Variants in DAZAP2 observed in about 807,000 individuals in gnomAD.
DAZAP2 encodes the protein DAZ-associated protein 2.
In DAZAP2, 3 loss-of-function variants were observed where a neutral mutation model predicts 16.2. That is an observed-to-expected ratio of 0.19 (90% CI 0.08 to 0.48). The LOEUF is 0.48. Among genes scored for constraint, DAZAP2 ranks in the 20% least tolerant of loss-of-function variants. The pLI, the probability that DAZAP2 is intolerant of heterozygous loss-of-function variation, is 0.98. For synonymous variants in DAZAP2, 69 were observed against 77.6 expected, an observed-to-expected ratio of 0.89 and a Z score of 0.58; for missense variants, 172 against 215.9, an observed-to-expected ratio of 0.80 and a Z score of 1.27.
rs1396423318 is a variant in DAZAP2, at chr12:51,240,033, C to A, written c.14-310C>A. 9 of 342,928 alleles carry A rather than the reference C, an allele frequency of 2.6e-5. No individual in the cohort carries two copies. In the Admixed American group the frequency reaches 3.4e-4, roughly 13 times the overall value. The allele number at this position is 342,928 out of a possible 1,614,324, so 21.2% of individuals were successfully genotyped here. A position where few individuals can be genotyped will look rare whatever the true frequency, so the allele number is the denominator to read the frequency against. ...CACCCTTGATAAGCCAGAACAGCAG[C>A]AGGCCAGAACCCCAGACCTGTCCTG... is the stretch of plus-strand genomic sequence containing the variant. On this transcript the variant is annotated intron_variant, in intron 1 of 3. Coordinates refer to ENST00000412716, the MANE Select transcript of DAZAP2 (RefSeq NM_014764.4).
downstream of DAZAP2, chr12:51,245,921 T>A: frequency 6.2e-7 from 1 of 1,604,576 alleles, no homozygotes; most frequent in South Asian, 1.1e-5. Context: ...AGGAATAAGC[T>A]CCTTGGGGCC....
intron 1 of DAZAP2, 42 bp from the exon 2 acceptor site, chr12:51,240,301 C>A: frequency 6.6e-7 from 1 of 1,526,182 alleles, no homozygotes; most frequent in Non-Finnish European, 9.1e-7. Flanking sequence ...ATTTTGGTAG[C>A]TCTGTGTAGT....
intron 1 of DAZAP2, chr12:51,239,288 C>T (rs777713769): frequency 2.8e-4 from 75 of 266,194 alleles, no homozygotes; most frequent in Admixed American, 4.5e-4. Flanking sequence ...CGGGGCCGAA[C>T]TTAACTACTG....
At chr12:51,240,660 G>T in intron 2 of DAZAP2, 199 bp downstream of exon 2, 1 of 856,228 alleles carries the variant, frequency 1.2e-6, no homozygotes, top group Non-Finnish European at 1.8e-6. Context: ...CACAGGCTAA[G>T]GTGCAGAAGA....
Position 51,243,593 on chromosome 12 carries a change from TTA to T in DAZAP2, c.*1138_*1139del. ...AAATTGGATTTTATTTTATTTTATC[TTA>T]TAATTTCAGTTCATCTAAATTGTGT... On this transcript the variant is annotated 3_prime_UTR_variant, in exon 4 of 4. Coordinates refer to ENST00000412716, the MANE Select transcript of DAZAP2 (RefSeq NM_014764.4). 1.0e-6 allele frequency: 1 copy of T among 985,348 alleles called. No homozygotes were observed. Among genetic ancestry groups the T allele is most frequent in the Non-Finnish European group, 1.2e-6 (1 of 829,542 alleles). 61.0% of individuals were successfully genotyped at this position (985,348 alleles called of 1,614,324 possible).
chr12:51,239,233 A>C, intron 1 of DAZAP2: 1 of 344,706 alleles, frequency 2.9e-6, no homozygotes, highest in Non-Finnish European at 5.3e-6. Context: ...GCGTAGGCCA[A>C]TGGAGAGCCG....
intron 1 of DAZAP2, chr12:51,239,169 G>GA (rs1944614421): frequency 3.8e-6 from 2 of 529,858 alleles, no homozygotes; most frequent in Non-Finnish European, 6.5e-6. Context: ...GTGGTGGGGG[G>GA]GCTTGACATG....
downstream of DAZAP2, chr12:51,246,014 C>T: frequency 5.0e-6 from 8 of 1,613,896 alleles, no homozygotes; most frequent in Non-Finnish European, 6.8e-6. Context: ...ACTGGGCTCA[C>T]CTTCTGTAGG....
Position 51,243,347 on chromosome 12 carries a change from G to A in DAZAP2, c.*889G>A, listed in dbSNP as rs1944715464. ...TGCATTTCAAAAGCTTGATTGATGT[G>A]TTCAGAGCTAAATTAAGAGGAGTTT... is the stretch of plus-strand genomic sequence containing the variant. On this transcript the variant is annotated 3_prime_UTR_variant, in exon 4 of 4. Coordinates refer to ENST00000412716, the MANE Select transcript of DAZAP2 (RefSeq NM_014764.4). 7.1e-6 allele frequency: 7 copies of A among 985,634 alleles called. No homozygotes were observed. The highest frequency in any genetic ancestry group is 3.6e-6 in the Non-Finnish European group (3 of 829,940). The allele number at this position is 985,634 out of a possible 1,614,324, so 61.1% of individuals were successfully genotyped here.
At position 51,243,503 on chromosome 12, in the gene DAZAP2, A is replaced by C. The variant is rs911623900; in HGVS notation, c.*1045A>C. 1.0e-6 allele frequency: 1 copy of C among 985,886 alleles called. No individual in the cohort carries two copies. Among genetic ancestry groups the C allele is most frequent in the African/African-American group, 1.7e-5 (1 of 57,374 alleles). The allele number at this position is 985,886 out of a possible 1,614,324, so 61.1% of individuals were successfully genotyped here. ...TCTCACTACAAAATGACTTGAGTCC[A>C]GTGAAATCTCATTAGGGTTTAAGAA... On this transcript the variant is annotated 3_prime_UTR_variant, in exon 4 of 4. Transcript: ENST00000412716.
At chr12:51,246,141 G>A (rs760379081), downstream of DAZAP2, 4 of 1,612,736 alleles carry the variant, frequency 2.5e-6, no homozygotes, top group Admixed American at 6.7e-5. Context: ...GAGGGAAAAT[G>A]TAGAGATGTT....
intron 1 of DAZAP2, 189 bp downstream of exon 1, chr12:51,239,109 G>C: frequency 2.5e-6 from 2 of 800,628 alleles, no homozygotes; most frequent in South Asian, 1.8e-5. Context: ...GCTGCCTCCA[G>C]GCCCTTTCCT....
chr12:51,245,976 C>T (rs372358236), downstream of DAZAP2: 25 of 1,613,926 alleles, frequency 1.5e-5, no homozygotes, highest in African/African-American at 2.8e-4. Context: ...CTGCCCTTGG[C>T]CAAGTCACTC....
In DAZAP2 at chr12:51,241,007, C is replaced by T; in HGVS notation, c.269C>T (p.Ala90Val). 3.1e-6 allele frequency: 5 copies of T among 1,614,176 alleles called. No homozygotes were observed. The highest frequency in any genetic ancestry group is 4.2e-6 in the Non-Finnish European group (5 of 1,180,042). The change falls in exon 3 of 4, where the codon GCT becomes GTT. Residue 90 changes from alanine to valine, a missense_variant. Ala to Val is a moderately conservative substitution (Grantham distance 64). Transcript: ENST00000412716. ...VGPLGSTIPM[A>V]YYPVGPIYPP... ...CCTTTAGGTTCCACAATCCCCATGG[C>T]TTATTATCCAGTCGGTCCCATCTAT...
At chr12:51,239,225 G>C in intron 1 of DAZAP2, 1 of 401,572 alleles carries the variant, frequency 2.5e-6, no homozygotes, top group Non-Finnish European at 4.5e-6. Context: ...AGGCATTCGC[G>C]TAGGCCAATG....
chr12:51,241,281 G>C (rs1237394710), intron 3 of DAZAP2, among the ~76,000 whole-genome samples, 165 bp downstream of exon 3: 7 of 152,186 alleles, frequency 4.6e-5, no homozygotes, highest in Non-Finnish European at 1.0e-4. Context: ...CAGAACTGTG[G>C]CAAGTGAGTA....
downstream of DAZAP2, chr12:51,244,820 C>CTTT (rs5798164): frequency 0.011 from 1,015 of 91,990 alleles, 23 homozygotes; most frequent in East Asian, 0.017. Flanking sequence ...TCCCAGGGTA[C>CTTT]TTTTTTTTTT....
rs772800885 is a variant in DAZAP2 at position 51,240,882 on chromosome 12, G to A, written c.144G>A (p.Pro48=). 21 of 1,613,716 alleles carry A rather than the reference G, an allele frequency of 1.3e-5. No homozygotes were observed. The highest frequency in any genetic ancestry group is 4.4e-5 in the South Asian group (4 of 91,074). ...TCTGCCTCTTCTAGCTCTATCGTCC[G>A]AGCTTTGTGCACCCAGGGGCTGCCA... ...APPAYSELYR[P]SFVHPGAATV... The change falls in exon 3 of 4, where the codon CCG becomes CCA. Residue 48 remains proline, a synonymous_variant. Transcript: ENST00000412716.
In DAZAP2 at chr12:51,241,078, G is replaced by A. The variant is rs199984011; in HGVS notation, c.340G>A (p.Ala114Thr). The A allele has an allele frequency of 2.5e-6, 4 of 1,614,220 alleles. No homozygotes were observed. Residue 114 changes from alanine to threonine, a missense_variant, in exon 3 of 4, where the codon GCC becomes ACC. Coordinates refer to ENST00000412716, the MANE Select transcript of DAZAP2 (RefSeq NM_014764.4). ...GGTGGAAGGAGGGTATGATGCAGGT[G>A]CCAGATTTGGAGCTGGGGCTACTGC... ...VLVEGGYDAGARFGAGATAGN... is the reference protein window; with the variant it reads ...VLVEGGYDAGTRFGAGATAGN...
Sources: allele counts gnomAD v4.1 joint callset (sites outside exome capture counted in the v4.1 genomes callset), GRCh38; gene constraint gnomAD v4.1.1; transcripts MANE v1.5; gene names NCBI Gene and HGNC (gene_info 2026-07-23, HGNC 2026-07-21).